Variants in MON2 observed in about 807,000 individuals in gnomAD.
MON2 encodes MON2 regulator of endosome-to-Golgi trafficking, also known as protein MON2 homolog.
In MON2, 84 loss-of-function variants were observed where a neutral mutation model predicts 208.6. The ratio of observed to expected loss-of-function variants is 0.40; its 90% CI spans 0.34 to 0.48. The LOEUF (loss-of-function observed/expected upper bound fraction) is 0.48. Among genes scored for constraint, MON2 ranks in the 20% least tolerant of loss-of-function variants. The pLI, the probability that MON2 is intolerant of heterozygous loss-of-function variation, is 0.59. For missense variants in MON2, 1,611 were observed against 2,015.4 expected, an observed-to-expected ratio of 0.80 and a Z score of 3.84; for synonymous variants, 660 against 694.0, an observed-to-expected ratio of 0.95 and a Z score of 0.77.
intron 24 of MON2, among the ~76,000 whole-genome samples, chr12:62,553,585 C>T (rs539861393): frequency 4.6e-5 from 7 of 152,228 alleles, no homozygotes; most frequent in Admixed American, 2.0e-4. Context: ...TAAATATAAT[C>T]AAAAGAGAAT....
intron 24 of MON2, among the ~76,000 whole-genome samples, chr12:62,554,995 A>T (rs1028585017): frequency 6.6e-6 from 1 of 151,372 alleles, no homozygotes; most frequent in Non-Finnish European, 1.5e-5. Context: ...ACAGGGTTTC[A>T]CTGTGTTAGC....
chr12:62,495,684 C>A (rs1016989292), intron 4 of MON2, among the ~76,000 whole-genome samples: 4 of 113,732 alleles, frequency 3.5e-5, no homozygotes, highest in African/African-American at 6.9e-5. Context: ...AGTGAGACTC[C>A]GTCTCAAAAA....
At chr12:62,507,122 C>A (rs1345155483) in intron 7 of MON2, among the ~76,000 whole-genome samples, 1 of 145,740 alleles carries the variant, frequency 6.9e-6, no homozygotes, top group Non-Finnish European at 1.5e-5. Flanking sequence ...TTCAAGCAGT[C>A]CAAGCAGAAC....
chr12:62,573,126 C>T (rs1263476914), intron 30 of MON2, among the ~76,000 whole-genome samples: 7 of 152,134 alleles, frequency 4.6e-5, no homozygotes, highest in Non-Finnish European at 8.8e-5. Flanking sequence ...GTATTTTTCA[C>T]TTCTAGAAAT....
At chr12:62,532,727 A>G (rs1166699402) in intron 12 of MON2, 57 bp downstream of exon 12, 32 of 1,321,078 alleles carry the variant, frequency 2.4e-5, no homozygotes. Context: ...ACAATTTGCA[A>G]AAATTGTAGT....
At chr12:62,512,491 A>G (rs778015915) in intron 8 of MON2, among the ~76,000 whole-genome samples, 2 of 152,212 alleles carry the variant, frequency 1.3e-5, no homozygotes, top group East Asian at 1.9e-4. Context: ...CTTTGACTCC[A>G]TGTCTGACAT....
intron 2 of MON2, among the ~76,000 whole-genome samples, chr12:62,491,651 A>G (rs2070148050): frequency 6.6e-6 from 1 of 152,192 alleles, no homozygotes; most frequent in Non-Finnish European, 1.5e-5. Context: ...GTTAGAAGAC[A>G]TACGGTATTT....
chr12:62,543,288 A>G (rs1199732283), intron 20 of MON2, 90 bp downstream of exon 20: 1 of 645,280 alleles, frequency 1.5e-6, no homozygotes, highest in Non-Finnish European at 2.4e-6. Context: ...AAAAATCAGC[A>G]TTAACTTTTT....
intron 1 of MON2, among the ~76,000 whole-genome samples, chr12:62,477,588 T>TC (rs200551158): frequency 0.12 from 17,198 of 139,458 alleles, 1,237 homozygotes; most frequent in Middle Eastern, 0.25. Flanking sequence ...CTAATTTTTT[T>TC]TTTTTTTTTT....
chr12:62,485,212 G>C (rs1293089761), intron 2 of MON2, among the ~76,000 whole-genome samples: 9 of 152,286 alleles, frequency 5.9e-5, no homozygotes, highest in Admixed American at 2.0e-4. Flanking sequence ...TTGCTTCAGT[G>C]ATCCTTTAAT....
chr12:62,512,149 T>A (rs2071439313), intron 8 of MON2, among the ~76,000 whole-genome samples: 1 of 152,064 alleles, frequency 6.6e-6, no homozygotes, highest in African/African-American at 2.4e-5. Context: ...CCAAACCATA[T>A]CATTCCGCCC....
At chr12:62,565,918 C>A in intron 27 of MON2, 96 bp from the exon 28 acceptor site, 1 of 1,189,148 alleles carries the variant, frequency 8.4e-7, no homozygotes, top group Non-Finnish European at 1.2e-6. Context: ...GTTCACTCAA[C>A]ATAAAAATTA....
At chr12:62,494,191 A>G (rs989470594) in intron 3 of MON2, 149 bp downstream of exon 3, 2 of 650,484 alleles carry the variant, frequency 3.1e-6, no homozygotes, top group African/African-American at 3.6e-5. Context: ...AATATTGCCA[A>G]ATTTTCTCCT....
rs114902351 is a variant in MON2 at position 62,522,966 on chromosome 12, G to A, written c.985-1549G>A. ...AAAAAATGATATGCTTTCAAGGCAAGTTTTATAATGTTATTCCTTCGGCTG... is the reference window on the plus strand; with the variant it reads ...AAAAAATGATATGCTTTCAAGGCAAATTTTATAATGTTATTCCTTCGGCTG... On this transcript the variant is annotated intron_variant, in intron 8 of 34. Transcript: ENST00000393630. 5.7e-3 allele frequency among the ~76,000 whole-genome samples: 868 copies of A among 152,314 alleles called. 4 individuals carry two copies. Among genetic ancestry groups the A allele is most frequent in the African/African-American group, 0.019 (807 of 41,574 alleles).
chr12:62,555,322 G>C (rs2073917846), intron 24 of MON2, among the ~76,000 whole-genome samples: 1 of 151,938 alleles, frequency 6.6e-6, no homozygotes, highest in Non-Finnish European at 1.5e-5. Flanking sequence ...TGGGACTACA[G>C]ATGTATAACA....
At chr12:62,521,124 G>C (rs1378755305) in intron 8 of MON2, among the ~76,000 whole-genome samples, 1 of 151,706 alleles carries the variant, frequency 6.6e-6, no homozygotes, top group East Asian at 1.9e-4. Flanking sequence ...TCCTGCCTCA[G>C]CCTCCCAAGT....
At chr12:62,570,186 G>T (rs2074537989) in intron 29 of MON2, among the ~76,000 whole-genome samples, 1 of 152,072 alleles carries the variant, frequency 6.6e-6, no homozygotes, top group Non-Finnish European at 1.5e-5. Context: ...CTCAAAAGTT[G>T]ATCAGTTGAA....
chr12:62,484,101 T>C, intron 1 of MON2, 69 bp from the exon 2 acceptor site: 1 of 1,124,650 alleles, frequency 8.9e-7, no homozygotes, highest in Non-Finnish European at 1.3e-6. Flanking sequence ...CTATCACATA[T>C]GACTTATTTT....
At chr12:62,583,289 A>AC in intron 32 of MON2, among the ~76,000 whole-genome samples, 1 of 152,214 alleles carries the variant, frequency 6.6e-6, no homozygotes, top group South Asian at 2.1e-4. Flanking sequence ...CTGTGATCAC[A>AC]CCACTGCACT....
Sources: gnomAD v4.1 joint callset for allele counts (sites outside exome capture counted in the v4.1 genomes callset) on GRCh38, gnomAD v4.1.1 for gene constraint, MANE v1.5 for transcripts, NCBI Gene and HGNC (gene_info 2026-07-23, HGNC 2026-07-21) for gene names.